Variants in MDN1 observed in about 807,000 individuals in gnomAD.
The protein encoded by MDN1 is midasin AAA ATPase 1.
Under a neutral mutation model 669.2 loss-of-function variants are expected in MDN1, and 266 were observed. The ratio of observed to expected loss-of-function variants is 0.40; its 90% confidence interval spans 0.36 to 0.44. MDN1 has a LOEUF of 0.44. MDN1 is among the 20% of genes least tolerant of loss of function. The pLI, the probability that MDN1 is intolerant of heterozygous loss-of-function variation, is 1.00. For synonymous variants in MDN1, 2,385 were observed against 2,457.1 expected (o/e 0.97, Z 0.87); for missense variants, 5,940 against 6,754.0 (o/e 0.88, Z 4.22).
chr6:89,692,862 ACTC>A lies in MDN1; in HGVS notation c.10165_10167del (p.Glu3389del). 6.2e-7 allele frequency: 1 copy of A among 1,614,068 alleles called. No individual in the cohort carries two copies. Among genetic ancestry groups the A allele is most frequent in the East Asian group, 2.2e-5 (1 of 44,864 alleles). ...CTCACGGCATCTGGATAGAAGGTGT[ACTC>A]CTCTGACAGCCGCTTCCGGAACTGG... On this transcript the variant is annotated inframe_deletion, in exon 63 of 102. Transcript: ENST00000369393.
At chr6:89,706,248 G>A in intron 52 of MDN1, 56 bp from the exon 53 acceptor site, 4 of 1,524,284 alleles carry the variant, frequency 2.6e-6, no homozygotes, top group Non-Finnish European at 2.7e-6. Flanking sequence ...AATAATCTCT[G>A]GACATTTTCA....
At chr6:89,818,421 C>T in intron 1 of MDN1, among the ~76,000 whole-genome samples, 1 of 151,568 alleles carries the variant, frequency 6.6e-6, no homozygotes, top group South Asian at 2.1e-4. Context: ...ATCACTTGAG[C>T]CCAGGGGTTC....
At chr6:89,677,021 A>G (rs1156996967) in intron 76 of MDN1, among the ~76,000 whole-genome samples, 1 of 151,554 alleles carries the variant, frequency 6.6e-6, no homozygotes, top group Non-Finnish European at 1.5e-5. Flanking sequence ...AAAGGCAAAA[A>G]AAAAAAAAAA....
chr6:89,683,044 TC>T, intron 73 of MDN1, 87 bp downstream of exon 73: 1 of 1,326,942 alleles, frequency 7.5e-7, no homozygotes, highest in Non-Finnish European at 1.1e-6. Flanking sequence ...CATTTTCTTG[TC>T]TAGTACTGAG....
At chr6:89,658,444 C>CA in intron 89 of MDN1, 74 bp from the exon 90 acceptor site, 2 of 1,585,716 alleles carry the variant, frequency 1.3e-6, no homozygotes, top group Non-Finnish European at 1.7e-6. Context: ...TTGCAACAAG[C>CA]AGGCTTCCCC....
At chr6:89,785,492 C>T (rs1359100683) in intron 8 of MDN1, among the ~76,000 whole-genome samples, 1 of 152,198 alleles carries the variant, frequency 6.6e-6, no homozygotes, top group Non-Finnish European at 1.5e-5. Flanking sequence ...ACATTAAGTT[C>T]ACTGCTTGTT....
intron 88 of MDN1, among the ~76,000 whole-genome samples, chr6:89,659,484 T>C (rs1183641103): frequency 6.6e-6 from 1 of 152,262 alleles, no homozygotes. Flanking sequence ...AACTGAGTGT[T>C]TGCAATCGAG....
chr6:89,674,222 C>T lies in MDN1; in HGVS notation c.13129G>A (p.Asp4377Asn), dbSNP rs1811027044. The T allele has an allele frequency of 6.2e-7, 1 of 1,614,082 alleles. No homozygotes were observed. Among genetic ancestry groups the T allele is most frequent in the Non-Finnish European group, 8.5e-7 (1 of 1,180,046 alleles). ...LPSGCRMRKQ[D>N]HLWQQSTTRL... ...GTAGTTGACTGTTGCCAAAGGTGAT[C>T]CTGTTTCCGCATCCGGCAACCAGAG... The change falls in exon 79 of 102, where the codon GAT becomes AAT. Residue 4377 changes from aspartate (D) to asparagine (N), a missense_variant. Coordinates refer to ENST00000369393, the MANE Select transcript of MDN1 (RefSeq NM_014611.3).
intron 13 of MDN1, among the ~76,000 whole-genome samples, chr6:89,773,098 T>C (rs1372557220): frequency 2.6e-5 from 4 of 152,210 alleles, no homozygotes; most frequent in African/African-American, 9.6e-5. Context: ...CCCAAACTCA[T>C]GTCTACCCAG....
chr6:89,783,134 C>T (rs1818766885), intron 9 of MDN1, among the ~76,000 whole-genome samples: 1 of 152,124 alleles, frequency 6.6e-6, no homozygotes, highest in African/African-American at 2.4e-5. Flanking sequence ...GGTCTGACTG[C>T]CTGCAGGGTC....
chr6:89,747,369 G>A lies in MDN1; in HGVS notation c.3864C>T (p.Thr1288=), dbSNP rs370668260. 574 of 1,613,970 alleles carry A rather than the reference G, an allele frequency of 3.6e-4. No homozygotes were observed. The highest frequency in any genetic ancestry group is 1.5e-3 in the Middle Eastern group (9 of 6,062). Residue 1288 remains threonine, a synonymous_variant, in exon 27 of 102, where the codon ACC becomes ACT. Transcript: ENST00000369393. ...GCTGTAGCCAGTCATACTCCTTCTC[G>A]GTCGGCTCAGCCAATCTGTATCTTT... ...WAERYRLAEP[T]EKEYDWLQHL...
intron 1 of MDN1, among the ~76,000 whole-genome samples, chr6:89,803,843 A>AGTGCTG (rs1339626403): frequency 6.7e-6 from 1 of 149,090 alleles, no homozygotes; most frequent in Admixed American, 6.7e-5. Flanking sequence ...AGCCTCCCAA[A>AGTGCTG]GTGCTGAGAT....
intron 53 of MDN1, among the ~76,000 whole-genome samples, chr6:89,705,365 CAA>C (rs1231052654): frequency 1.3e-5 from 2 of 152,008 alleles, no homozygotes; most frequent in African/African-American, 4.8e-5. Context: ...AGGCAGAGAT[CAA>C]AAAGTTTAAG....
intron 85 of MDN1, 74 bp from the exon 86 acceptor site, chr6:89,663,041 C>T: frequency 1.3e-6 from 2 of 1,547,528 alleles, no homozygotes; most frequent in Non-Finnish European, 1.8e-6. Flanking sequence ...GAGGTGTGGA[C>T]CCGCTTCCCT....
At position 89,650,084 on chromosome 6, in the gene MDN1, C is replaced by G; in HGVS notation, c.16146G>C (p.Gln5382His). ...WLRRTKPSKR[Q>H]YQICLAIDDS... ...CATCGATAGCCAAACAAATCTGATACTGGCGTTTACTGGGCTTGGTCCTTC... is the reference window on the plus strand; with the variant it reads ...CATCGATAGCCAAACAAATCTGATAGTGGCGTTTACTGGGCTTGGTCCTTC... Residue 5382 changes from glutamine to histidine, a missense_variant, in exon 97 of 102, where the codon CAG becomes CAC. Around this residue, in one of 5 missense-constraint regions of MDN1, gnomAD observed 2,280 missense variants for 2,576.3 expected, o/e 0.88. Transcript: ENST00000369393. 6.2e-7 allele frequency: 1 copy of G among 1,614,160 alleles called. No homozygotes were observed. The highest frequency in any genetic ancestry group is 8.5e-7 in the Non-Finnish European group (1 of 1,180,032).
intron 95 of MDN1, among the ~76,000 whole-genome samples, chr6:89,651,166 A>AT (rs1256868072): frequency 2.0e-5 from 3 of 150,296 alleles, no homozygotes; most frequent in Non-Finnish European, 4.4e-5. Context: ...AAAAAAAAAA[A>AT]TACAGAAAAT....
chr6:89,718,612 G>A lies in MDN1; in HGVS notation c.6337C>T (p.Pro2113Ser), dbSNP rs374500634. The A allele has an allele frequency of 7.4e-6, 12 of 1,613,754 alleles. No homozygotes were observed. The highest frequency in any genetic ancestry group is 2.7e-5 in the African/African-American group (2 of 74,912). ...GGFEQVDLIR[P>S]WRRLLEKVEG... is the part of the protein sequence containing the mutation. ...ACCTTCTCTAGCAGCCTCCTCCAAGGTCGTATAAGATCAACCTGTAATTTC... is the reference window on the plus strand; with the variant it reads ...ACCTTCTCTAGCAGCCTCCTCCAAGATCGTATAAGATCAACCTGTAATTTC... The change falls in exon 43 of 102, where the codon CCT becomes TCT. Residue 2113 changes from proline to serine, a missense_variant. This residue lies in a region of MDN1 where 2,292 missense variants were observed against 2,638.3 expected (regional missense o/e 0.87). Coordinates refer to ENST00000369393, the MANE Select transcript of MDN1 (RefSeq NM_014611.3).
intron 1 of MDN1, among the ~76,000 whole-genome samples, chr6:89,808,610 T>C (rs1406037821): frequency 2.0e-5 from 3 of 152,160 alleles, no homozygotes; most frequent in African/African-American, 7.2e-5. Context: ...TCCCTAGAGC[T>C]GTTCCCTCCA....
At chr6:89,712,527 T>C in intron 48 of MDN1, 48 bp downstream of exon 48, 1 of 1,569,352 alleles carries the variant, frequency 6.4e-7, no homozygotes, top group South Asian at 1.1e-5. Flanking sequence ...CCAGCAAAAA[T>C]AAAAACCAGC....
Sources: gnomAD v4.1 joint callset for allele counts (sites outside exome capture counted in the v4.1 genomes callset) on GRCh38, gnomAD v4.1.1 for gene constraint, gnomAD v4.1.1 regional missense constraint, MANE v1.5 for transcripts, NCBI Gene and HGNC (gene_info 2026-07-23, HGNC 2026-07-21) for gene names.